The following GPKOW variants were observed in gnomAD, a reference collection of about 807,000 sequenced individuals.
GPKOW encodes G-patch domain and KOW motifs-containing protein.
For synonymous variants in GPKOW, 167 were observed against 159.1 expected (o/e 1.05, Z -0.37); for missense variants, 359 against 404.7 (o/e 0.89, Z 0.97).
In GPKOW at chrX:49,117,011, C is replaced by T. The variant is rs781814695; in HGVS notation, c.913+19G>A. On this transcript the variant is annotated intron_variant, in intron 6 of 10. Coordinates refer to ENST00000156109, the MANE Select transcript of GPKOW (RefSeq NM_015698.6). The stretch of plus-strand genomic sequence containing the variant: ...GAATGCGTTGCCAACTCCCCTAGCT[C>T]TACAAGAGGCTCACTCACTGAGATC... 4 of 1,200,532 alleles carry T rather than the reference C, an allele frequency of 3.3e-6. No individual in the cohort carries two copies. The African/African-American group carries it at 7.0e-5, about 21-fold the overall frequency.
intron 1 of GPKOW, 107 bp downstream of exon 1, chrX:49,123,438 TGC>T (rs1259697615): frequency 2.5e-6 from 2 of 799,912 alleles, no homozygotes; most frequent in Non-Finnish European, 3.5e-6. Context: ...ACTCAGGCTG[TGC>T]TTCAGGCTTA....
chrX:49,116,254 T>C lies in GPKOW; in HGVS notation c.983A>G (p.Asn328Ser). ...WNQELYIQQD[N>S]SERKRKHLPD... The stretch of plus-strand genomic sequence containing the variant: ...AAGGTGTTTCCGCTTCCTCTCTGAG[T>C]TGTCCTGCTGGATGTAGAGTTCTTG... Residue 328 changes from asparagine (N) to serine (S), a missense_variant, in exon 7 of 11, where the codon AAC (asparagine) becomes AGC (serine). Transcript: ENST00000156109. 8.3e-7 allele frequency: 1 copy of C among 1,205,402 alleles called. No homozygotes were observed. The highest frequency in any genetic ancestry group is 1.1e-6 in the Non-Finnish European group (1 of 889,881).
At position 49,117,810 on chromosome X, in the gene GPKOW, T is replaced by C. The variant is rs2065198961; in HGVS notation, c.567A>G (p.Gln189=). The change falls in exon 5 of 11, where the codon CAA becomes CAG. Residue 189 remains glutamine, a splice_region_variant and synonymous_variant. Coordinates refer to ENST00000156109, the MANE Select transcript of GPKOW (RefSeq NM_015698.6). Reference sequence around the variant, plus strand: ...GTGAGTTGACACGGGGCTTCACTACTCTGCAGGGAGGAATATGGGTTTGTT... The same window carrying C: ...GTGAGTTGACACGGGGCTTCACTACCCTGCAGGGAGGAATATGGGTTTGTT... ...PGEGIGRTFN[Q]VVKPRVNSLR... 1 of 1,157,240 alleles carries C rather than the reference T, an allele frequency of 8.6e-7. No individual in the cohort carries two copies. The highest frequency in any genetic ancestry group is 1.8e-5 in the African/African-American group (1 of 56,362).
rs1557091290 is a variant in GPKOW, at chrX:49,122,692, AGGGGGCC to A, written c.254_260del (p.Arg85LeufsTer19). On this transcript the variant is annotated frameshift_variant, in exon 2 of 11. Coordinates refer to ENST00000156109, the MANE Select transcript of GPKOW (RefSeq NM_015698.6). LOFTEE classifies it high-confidence loss of function. ...AGGCCCCAGTATCTGTGGATGGCCC[AGGGGGCC>A]GGGCTGGTGGCTGCCTGCGATGGCC... 8.3e-7 allele frequency: 1 copy of A among 1,209,864 alleles called. No individual in the cohort carries two copies.
chrX:49,120,412 G>A (rs1403165667), intron 3 of GPKOW, among the ~76,000 whole-genome samples: 1 of 111,398 alleles, frequency 9.0e-6, no homozygotes, highest in Non-Finnish European at 1.9e-5. Flanking sequence ...GGGTGGGGAA[G>A]AGACCAAATC....
chrX:49,115,530 AGAAAACTT>A (rs1199560847), intron 9 of GPKOW, among the ~76,000 whole-genome samples, 188 bp downstream of exon 9: 1 of 104,417 alleles, frequency 9.6e-6, no homozygotes, highest in Non-Finnish European at 2.0e-5. Context: ...AAGAAAAAAA[AGAAAACTT>A]GACAGACTGG....
At position 49,123,639 on chromosome X, in the gene GPKOW, T is replaced by C. The variant is rs1557091459; in HGVS notation, c.84A>G (p.Ala28=). The C allele has an allele frequency of 2.5e-6, 3 of 1,209,493 alleles. No homozygotes were observed. Among genetic ancestry groups the C allele is most frequent in the Admixed American group, 4.4e-5 (2 of 45,883 alleles). The part of the protein sequence containing the change: ...PISFGFTRTS[A]RRRLADSGDG... ...CTCCCGAGTCGGCCAGCCGCCTCCGTGCGGACGTGCGAGTGAAGCCGAATG... is the reference window on the plus strand; with the variant it reads ...CTCCCGAGTCGGCCAGCCGCCTCCGCGCGGACGTGCGAGTGAAGCCGAATG... The change falls in exon 1 of 11, where the codon GCA becomes GCG. Residue 28 remains alanine (A), a synonymous_variant. Transcript: ENST00000156109.
At position 49,115,944 on chromosome X, in the gene GPKOW, G is replaced by A. The variant is rs370429450; in HGVS notation, c.1087C>T (p.Arg363Cys). 1.4e-5 allele frequency: 17 copies of A among 1,208,401 alleles called. No homozygotes were observed. In the East Asian group the frequency reaches 1.5e-4, roughly 11 times the overall value. The change falls in exon 8 of 11, where the codon CGT (arginine) becomes TGT (cysteine). Residue 363 changes from arginine (R) to cysteine (C), a missense_variant. Transcript: ENST00000156109. ...RSQHWLHRDL[R>C]VRFVDNMYKG... ...TACATGTTGTCCACAAACCGCACAC[G>A]CAGGTCCCTGTGCAACCAGTGCTGA...
Position 49,115,963 on chromosome X carries a change from G to C in GPKOW, c.1068C>G (p.His356Gln). ...GCACACGCAGGTCCCTGTGCAACCA[G>C]TGCTGACTTCTGGGGGCTGCTTTCT... ...KSEKAAPRSQ[H>Q]WLHRDLRVRF... Residue 356 changes from histidine to glutamine, a missense_variant, in exon 8 of 11, where the codon CAC becomes CAG. By Grantham distance (24) the His-to-Gln change is conservative. Transcript: ENST00000156109. The C allele has an allele frequency of 8.3e-7, 1 of 1,211,210 alleles. No individual in the cohort carries two copies. The highest frequency in any genetic ancestry group is 1.1e-6 in the Non-Finnish European group (1 of 894,773).
chrX:49,116,691 T>G (rs2065194993), intron 6 of GPKOW, among the ~76,000 whole-genome samples: 2 of 111,569 alleles, frequency 1.8e-5, no homozygotes, highest in Admixed American at 9.6e-5. Flanking sequence ...CCTTCCTTCT[T>G]GGTCACACCC....
At chrX:49,114,840 G>A (rs2065186123) in intron 9 of GPKOW, among the ~76,000 whole-genome samples, 1 of 95,130 alleles carries the variant, frequency 1.1e-5, no homozygotes, top group Non-Finnish European at 2.0e-5. Context: ...CAGAAGAATA[G>A]CTTGAACCCG....
intron 9 of GPKOW, among the ~76,000 whole-genome samples, chrX:49,114,808 C>T: frequency 9.6e-6 from 1 of 103,801 alleles, no homozygotes; most frequent in East Asian, 3.0e-4. Flanking sequence ...ACCTGTAGTT[C>T]CAGCTACTCA....
At chrX:49,122,338 C>T (rs782054766) in intron 3 of GPKOW, 60 bp downstream of exon 3, 5 of 1,030,231 alleles carry the variant, frequency 4.9e-6, no homozygotes, top group African/African-American at 1.9e-5. Flanking sequence ...TGCAGGGACA[C>T]AGCCTGGCGG....
At position 49,115,998 on chromosome X, in the gene GPKOW, C is replaced by G. The variant is rs782255940; in HGVS notation, c.1033G>C (p.Ala345Pro). ...CTGGGGGCTGCTTTCTCACTCTTGGCTGCAGGCCCATCCTGTCTGTGGAGA... is the reference window on the plus strand; with the variant it reads ...CTGGGGGCTGCTTTCTCACTCTTGGGTGCAGGCCCATCCTGTCTGTGGAGA... Reference protein sequence around the residue: ...HLPDRQDGPAAKSEKAAPRSQ... With the variant: ...HLPDRQDGPAPKSEKAAPRSQ... Residue 345 changes from alanine (A) to proline (P), a missense_variant, in exon 8 of 11, where the codon GCC becomes CCC. Transcript: ENST00000156109. 9 of 1,210,375 alleles carry G rather than the reference C, an allele frequency of 7.4e-6. No individual in the cohort carries two copies. The highest frequency in any genetic ancestry group is 2.4e-4 in the Middle Eastern group (1 of 4,219).
In GPKOW at chrX:49,122,713, C is replaced by T; in HGVS notation, c.240G>A (p.Arg80=). The T allele has an allele frequency of 8.3e-7, 1 of 1,209,174 alleles. No individual in the cohort carries two copies. Among genetic ancestry groups the T allele is most frequent in the Non-Finnish European group, 1.1e-6 (1 of 893,223 alleles). The change falls in exon 2 of 11, where the codon AGG becomes AGA. Residue 80 remains arginine, a synonymous_variant. Transcript: ENST00000156109. ...GCCCAGGGGGCCGGGCTGGTGGCTG[C>T]CTGCGATGGCCATTCTGGATCAAAG... ...VIPLIQNGHR[R]QPPARPPGPS...
In GPKOW at chrX:49,113,603, T is replaced by C. The variant is rs782269581; in HGVS notation, c.*18A>G. ...ACAGAACTGGTACCAGCCTGGGGGA[T>C]GGGAGGAGTCCCATGGGTCAGTCAT... On this transcript the variant is annotated 3_prime_UTR_variant, in exon 11 of 11. Coordinates refer to ENST00000156109, the MANE Select transcript of GPKOW (RefSeq NM_015698.6). 2 of 1,206,853 alleles carry C rather than the reference T, an allele frequency of 1.7e-6. No individual in the cohort carries two copies. The highest frequency in any genetic ancestry group is 2.2e-6 in the Non-Finnish European group (2 of 891,383).
intron 3 of GPKOW, 54 bp downstream of exon 3, chrX:49,122,344 G>A: frequency 9.5e-7 from 1 of 1,053,462 alleles, no homozygotes; most frequent in South Asian, 2.5e-5. Context: ...GACACAGCCT[G>A]GCGGACAGGG....
chrX:49,117,600 C>A lies in GPKOW; in HGVS notation c.777G>T (p.Gly259=), dbSNP rs201035309. Residue 259 remains glycine (G), a synonymous_variant, in exon 5 of 11, where the codon GGG becomes GGT. Transcript: ENST00000156109. ...CCGGGATATCTTGGTTCCTTACCTT[C>A]CCATAGAGGCCTCGGTGAGGGCCAG... ...VLSGPHRGLY[G]KVEGLDPDNV... 6.3e-5 allele frequency: 76 copies of A among 1,199,040 alleles called. 1 individual carries two copies. In the East Asian group the frequency reaches 2.0e-3, roughly 32 times the overall value.
intron 9 of GPKOW, among the ~76,000 whole-genome samples, chrX:49,115,111 T>C (rs1449833279): frequency 9.1e-6 from 1 of 109,806 alleles, no homozygotes; most frequent in East Asian, 2.8e-4. Flanking sequence ...CCTTTTATTG[T>C]GGGCATGTTT....
Sources: gnomAD v4.1 joint callset for allele counts (sites outside exome capture counted in the v4.1 genomes callset) on GRCh38, gnomAD v4.1.1 for gene constraint, MANE v1.5 for transcripts, NCBI Gene and HGNC (gene_info 2026-07-23, HGNC 2026-07-21) for gene names.